The following DEPDC5 variants were observed in gnomAD, a reference collection of about 807,000 sequenced individuals.
The protein encoded by DEPDC5 is GATOR1 complex protein DEPDC5.
Under a neutral mutation model 217.3 loss-of-function variants are expected in DEPDC5, and 73 were observed. That is an observed-to-expected ratio of 0.34 (90% CI 0.28 to 0.41). The LOEUF is 0.41. Ranked by LOEUF, DEPDC5 falls within the 10% of genes least tolerant of loss-of-function variation. The pLI is 1.00. For synonymous variants in DEPDC5, 733 were observed against 756.7 expected (o/e 0.97, Z 0.51); for missense variants, 1,675 against 2,070.1 (o/e 0.81, Z 3.70).
At chr22:31,819,347 C>A in intron 22 of DEPDC5, 122 bp downstream of exon 22, 1 of 1,066,270 alleles carries the variant, frequency 9.4e-7, no homozygotes, top group Non-Finnish European at 1.4e-6. Flanking sequence ...ATGGGATAAC[C>A]ATGCCCACTT....
At chr22:31,881,209 G>A (rs544729761) in intron 38 of DEPDC5, among the ~76,000 whole-genome samples, 2 of 151,910 alleles carry the variant, frequency 1.3e-5, no homozygotes, top group East Asian at 3.9e-4. Flanking sequence ...GGCCGAGGCA[G>A]GAGAATTGCT....
At chr22:31,828,101 G>A (rs1233267810) in intron 24 of DEPDC5, among the ~76,000 whole-genome samples, 1 of 152,020 alleles carries the variant, frequency 6.6e-6, no homozygotes, top group Non-Finnish European at 1.5e-5. Flanking sequence ...TTTATTGTAA[G>A]TTCCATGACT....
chr22:31,778,091 T>A lies in DEPDC5; in HGVS notation c.414-8T>A, dbSNP rs1466759889. ...GACTTGTAATAACTTGTGTGTGTATTCTTTCAGAGCACAGGCTGGTGAACT... is the reference window on the plus strand; with the variant it reads ...GACTTGTAATAACTTGTGTGTGTATACTTTCAGAGCACAGGCTGGTGAACT... On this transcript the variant is annotated splice_polypyrimidine_tract_variant and splice_region_variant and intron_variant, in intron 7 of 42. Coordinates refer to ENST00000651528, the MANE Select transcript of DEPDC5 (RefSeq NM_001242896.3). The A allele has an allele frequency of 1.2e-6, 2 of 1,614,016 alleles. No individual in the cohort carries two copies. The highest frequency in any genetic ancestry group is 1.7e-5 in the Admixed American group (1 of 59,996).
chr22:31,812,147 C>G (rs977821559), intron 20 of DEPDC5, among the ~76,000 whole-genome samples: 1 of 151,844 alleles, frequency 6.6e-6, no homozygotes, highest in African/African-American at 2.4e-5. Flanking sequence ...CACCACCACA[C>G]TCGGCTAATT....
chr22:31,820,312 A>G (rs575512857), intron 22 of DEPDC5, among the ~76,000 whole-genome samples: 24 of 152,278 alleles, frequency 1.6e-4, no homozygotes, highest in African/African-American at 5.5e-4. Flanking sequence ...GGGTTTCACC[A>G]TGTTGGTCAG....
chr22:31,832,956 G>A (rs2090713940), intron 24 of DEPDC5, among the ~76,000 whole-genome samples: 1 of 152,194 alleles, frequency 6.6e-6, no homozygotes, highest in South Asian at 2.1e-4. Context: ...AGAGTAAAAA[G>A]TACAAATTCT....
At chr22:31,842,707 G>A (rs2091471333) in intron 27 of DEPDC5, among the ~76,000 whole-genome samples, 1 of 152,202 alleles carries the variant, frequency 6.6e-6, no homozygotes, top group African/African-American at 2.4e-5. Flanking sequence ...TAGGTTGGCT[G>A]CCACCTTGGA....
rs536131178 is a variant in DEPDC5, at chr22:31,796,731, C to T, written c.768-869C>T. On this transcript the variant is annotated intron_variant, in intron 12 of 42. Transcript: ENST00000651528. ...TTTTTTTTTGAGATGGAGTCTCGCT[C>T]TTTCTCCCAGGCTGGAGTGCAGTGG... Among the ~76,000 whole-genome samples the T allele has an allele frequency of 1.6e-3, 248 of 151,884 alleles. 1 individual carries two copies. Among genetic ancestry groups the T allele is most frequent in the Non-Finnish European group, 2.9e-3 (194 of 67,972 alleles).
intron 26 of DEPDC5, 75 bp from the exon 27 acceptor site, chr22:31,838,610 T>C: frequency 6.4e-6 from 10 of 1,561,426 alleles, no homozygotes; most frequent in Non-Finnish European, 8.7e-6. Flanking sequence ...GCAAAGGAGA[T>C]GATGAGACTG....
chr22:31,803,512 G>A (rs936088853), intron 15 of DEPDC5, among the ~76,000 whole-genome samples: 2 of 152,038 alleles, frequency 1.3e-5, no homozygotes, highest in African/African-American at 2.4e-5. Flanking sequence ...ACACCCAGCC[G>A]CTGTCAGCCC....
rs563158486 is a variant in DEPDC5, at chr22:31,889,114, T to C, written c.4034-4468T>C. The stretch of plus-strand genomic sequence containing the variant: ...GACACTGTCCCCTTCCCCAGGTTAC[T>C]GATAACCCCCTAGCTATGACCTGGG... On this transcript the variant is annotated intron_variant, in intron 38 of 42. Coordinates refer to ENST00000651528, the MANE Select transcript of DEPDC5 (RefSeq NM_001242896.3). 3.9e-5 allele frequency among the ~76,000 whole-genome samples: 6 copies of C among 152,358 alleles called. 1 individual carries two copies. The South Asian group carries it at 1.2e-3, about 32-fold the overall frequency.
At chr22:31,900,600 G>C (rs9621362) in intron 40 of DEPDC5, among the ~76,000 whole-genome samples, 21,373 of 151,894 alleles carry the variant, frequency 0.14, 2,163 homozygotes, top group African/African-American at 0.29. Flanking sequence ...TTAGCTGGGC[G>C]CTGTGGCACA....
Position 31,875,209 on chromosome 22 carries a change from G to A in DEPDC5, c.3696+804G>A, listed in dbSNP as rs62238928. On this transcript the variant is annotated intron_variant, in intron 36 of 42. Transcript: ENST00000651528. ...GTTCTCACTCTGAGGGTCTTGATGT[G>A]CTGTTTTGCACAGCCTTTGCCGTAT... 1,085 of 167,148 alleles carry A rather than the reference G, an allele frequency of 6.5e-3. 6 individuals are homozygous for A. Among genetic ancestry groups the A allele is most frequent in the Middle Eastern group, 0.01 (3 of 296 alleles). 10.4% of individuals were successfully genotyped at this position (167,148 alleles called of 1,614,324 possible).
At chr22:31,772,864 C>T (rs1480569331) in intron 7 of DEPDC5, among the ~76,000 whole-genome samples, 2 of 152,022 alleles carry the variant, frequency 1.3e-5, no homozygotes, top group African/African-American at 4.8e-5. Flanking sequence ...CCACTGCAAC[C>T]TCTGCCTCCT....
Position 31,906,954 on chromosome 22 carries a change from A to T in DEPDC5, c.*457A>T. 1 of 230,358 alleles carries T rather than the reference A, an allele frequency of 4.3e-6. No individual in the cohort carries two copies. 14.3% of individuals were successfully genotyped at this position (230,358 alleles called of 1,614,324 possible). ...AATTTTGTGAAATAATGTACCATAG[A>T]CTCTCACCAACTGTATATACCTGTA... On this transcript the variant is annotated 3_prime_UTR_variant, in exon 43 of 43. Coordinates refer to ENST00000651528, the MANE Select transcript of DEPDC5 (RefSeq NM_001242896.3). The surrounding 1 kb of genome is among the most constrained non-coding windows in gnomAD (Gnocchi z 5.1).
rs61167824 is a variant in DEPDC5 at position 31,857,312 on chromosome 22, C to T, written c.3156-133C>T. The T allele has an allele frequency of 2.4e-3, 1,645 of 688,240 alleles. 27 individuals are homozygous for T. In the African/African-American group the frequency reaches 0.025, roughly 10 times the overall value. The allele number at this position is 688,240 out of a possible 1,614,324, so 42.6% of individuals were successfully genotyped here. On this transcript the variant is annotated intron_variant, in intron 31 of 42. Transcript: ENST00000651528. The stretch of plus-strand genomic sequence containing the variant: ...ATGAAATTAAGGGTATCATGAAGGT[C>T]TGGAAAGGGAAACAAGGCAGAAGTG...
At chr22:31,878,793 C>A (rs1246716124) in intron 37 of DEPDC5, among the ~76,000 whole-genome samples, 1 of 151,874 alleles carries the variant, frequency 6.6e-6, no homozygotes, top group African/African-American at 2.4e-5. Flanking sequence ...AATCCCAGCA[C>A]TTTGGGAGGC....
chr22:31,888,190 C>T, intron 38 of DEPDC5, among the ~76,000 whole-genome samples: 1 of 149,218 alleles, frequency 6.7e-6, no homozygotes, highest in African/African-American at 2.5e-5. Flanking sequence ...AGCCCTGCAG[C>T]TCTTAGGCCC....
At chr22:31,853,615 T>C (rs1185166134) in intron 31 of DEPDC5, among the ~76,000 whole-genome samples, 1 of 152,218 alleles carries the variant, frequency 6.6e-6, no homozygotes, top group Non-Finnish European at 1.5e-5. Context: ...AGTCCCACCA[T>C]CTTAACTGTG....
Sources: allele counts gnomAD v4.1 joint callset (sites outside exome capture counted in the v4.1 genomes callset), GRCh38; gene constraint gnomAD v4.1.1; non-coding constraint Gnocchi (gnomAD v3.1); transcripts MANE v1.5; gene names NCBI Gene and HGNC (gene_info 2026-07-23, HGNC 2026-07-21).